VCL: variants seen among roughly 807,000 people sequenced by gnomAD.
The protein encoded by VCL is epididymis luminal protein 114.
Under a neutral mutation model 125.7 loss-of-function variants are expected in VCL, and 47 were observed. That is an observed-to-expected ratio of 0.37 (90% CI 0.30 to 0.48). The LOEUF (loss-of-function observed/expected upper bound fraction) is 0.48, where lower values mean the gene tolerates loss of function less well. Ranked by LOEUF, VCL falls within the 20% of genes least tolerant of loss-of-function variation. The pLI, the probability that VCL is intolerant of heterozygous loss-of-function variation, is 0.99. For missense variants in VCL, 1,069 were observed against 1,455.5 expected, an observed-to-expected ratio of 0.73 and a Z score of 4.32; for synonymous variants, 458 against 514.6, an observed-to-expected ratio of 0.89 and a Z score of 1.49.
intron 8 of VCL, among the ~76,000 whole-genome samples, chr10:74,086,033 A>G (rs868740101): frequency 9.2e-5 from 14 of 151,880 alleles, no homozygotes; most frequent in Admixed American, 7.2e-4. Flanking sequence ...ATGCCTGGCT[A>G]ATTTTTGTAT....
rs151045204 is a variant in VCL, at chr10:74,072,795, G to A, written c.565G>A (p.Val189Met). ...GGAGCTCACTCACCAGGAGCACCGAGTGATGTTGGTGAACTCGATGAACAC... is the reference window on the plus strand; with the variant it reads ...GGAGCTCACTCACCAGGAGCACCGAATGATGTTGGTGAACTCGATGAACAC... ...QQELTHQEHR[V>M]MLVNSMNTVK... The change falls in exon 5 of 22, where the codon GTG becomes ATG. Residue 189 changes from valine to methionine, a missense_variant. Around this residue, in one of 6 missense-constraint regions of VCL, gnomAD observed 760 missense variants for 928.9 expected, o/e 0.82. Coordinates refer to ENST00000211998, the MANE Select transcript of VCL (RefSeq NM_014000.3). 7.4e-6 allele frequency: 12 copies of A among 1,614,180 alleles called. No homozygotes were observed. Among genetic ancestry groups the A allele is most frequent in the Non-Finnish European group, 1.0e-5 (12 of 1,180,030 alleles).
intron 1 of VCL, among the ~76,000 whole-genome samples, chr10:74,002,624 C>T (rs994549864): frequency 6.6e-6 from 1 of 151,632 alleles, no homozygotes; most frequent in Admixed American, 6.6e-5. Flanking sequence ...TGGCTCATGC[C>T]TGTAATCCCA....
At chr10:74,047,696 A>G (rs140292120) in intron 2 of VCL, among the ~76,000 whole-genome samples, 22 of 152,310 alleles carry the variant, frequency 1.4e-4, no homozygotes, top group African/African-American at 5.1e-4. Flanking sequence ...ATAGATTTAT[A>G]CCTAAGCTAT....
chr10:74,102,041 T>G (rs1436693069), intron 14 of VCL, among the ~76,000 whole-genome samples: 1 of 12,460 alleles, frequency 8.0e-5, no homozygotes, highest in Non-Finnish European at 2.2e-4. Context: ...AATTTTTCTA[T>G]TTTTTAGTAG....
chr10:73,998,386 A>G lies in VCL; in HGVS notation c.168+11A>G, dbSNP rs1288220007. 1 of 1,503,818 alleles carries G rather than the reference A, an allele frequency of 6.6e-7. No homozygotes were observed. Among genetic ancestry groups the G allele is most frequent in the Non-Finnish European group, 8.9e-7 (1 of 1,123,626 alleles). 93.2% of individuals were successfully genotyped at this position (1,503,818 alleles called of 1,614,324 possible). On this transcript the variant is annotated intron_variant, in intron 1 of 21. Transcript: ENST00000211998. The stretch of plus-strand genomic sequence containing the variant: ...AGCAACCTCGTCCGGGTGAGCGCGC[A>G]GGGCCTGGCGCGGGAGCGGGCGCGG...
At chr10:74,078,199 C>T (rs913536919) in intron 6 of VCL, among the ~76,000 whole-genome samples, 41 of 152,054 alleles carry the variant, frequency 2.7e-4, no homozygotes, top group African/African-American at 8.9e-4. Flanking sequence ...AGCTTTGCAC[C>T]GTGAATCATT....
At chr10:74,013,358 T>A (rs1840471533) in intron 1 of VCL, among the ~76,000 whole-genome samples, 1 of 152,098 alleles carries the variant, frequency 6.6e-6, no homozygotes, top group African/African-American at 2.4e-5. Flanking sequence ...CAGATGGGGA[T>A]AATCCTGCAC....
chr10:74,085,339 C>T (rs1379621353), intron 8 of VCL, among the ~76,000 whole-genome samples: 1 of 152,144 alleles, frequency 6.6e-6, no homozygotes, highest in South Asian at 2.1e-4. Flanking sequence ...TGGGTAAATA[C>T]ATTTTACGGA....
chr10:74,074,859 G>A lies in VCL; in HGVS notation c.739G>A (p.Val247Met), dbSNP rs545372383. 6.8e-6 allele frequency: 11 copies of A among 1,613,996 alleles called. No homozygotes were observed. Among genetic ancestry groups the A allele is most frequent in the Non-Finnish European group, 9.3e-6 (11 of 1,180,028 alleles). The part of the protein sequence containing the change: ...MSAEINEIIR[V>M]LQLTSWDEDA... The stretch of plus-strand genomic sequence containing the variant: ...TGCTGAAATTAATGAGATAATTCGT[G>A]TGTTACAACTCACCTCTTGGGATGA... Residue 247 changes from valine (V) to methionine (M), a missense_variant, in exon 6 of 22, where the codon GTG becomes ATG. Val to Met is a conservative substitution (Grantham distance 21). Transcript: ENST00000211998.
intron 1 of VCL, among the ~76,000 whole-genome samples, chr10:74,021,954 C>T (rs140709187): frequency 1.4e-4 from 21 of 152,218 alleles, no homozygotes; most frequent in African/African-American, 4.6e-4. Context: ...TCCTTCCTTT[C>T]CATTACTGCC....
chr10:74,109,294 T>C, intron 18 of VCL, 138 bp downstream of exon 18: 1 of 1,103,870 alleles, frequency 9.1e-7, no homozygotes, highest in African/African-American at 1.6e-5. Flanking sequence ...AATAGCATAT[T>C]CCTCTTCTTA....
intron 1 of VCL, among the ~76,000 whole-genome samples, chr10:74,015,104 A>G (rs1414420049): frequency 1.3e-5 from 2 of 152,234 alleles, no homozygotes; most frequent in East Asian, 1.9e-4. Context: ...GGAGTAATAG[A>G]GTTGAAAAGT....
chr10:74,100,437 T>G (rs1267145685), intron 13 of VCL, among the ~76,000 whole-genome samples: 1 of 151,942 alleles, frequency 6.6e-6, no homozygotes, highest in Non-Finnish European at 1.5e-5. Context: ...AATGGCAGAG[T>G]TTTTACAACA....
intron 11 of VCL, 91 bp downstream of exon 11, chr10:74,094,552 G>A (rs1478597364): frequency 6.8e-7 from 1 of 1,460,044 alleles, no homozygotes; most frequent in African/African-American, 1.4e-5. Flanking sequence ...TCTGTAATTA[G>A]GTAAGGGTTC....
At chr10:74,051,264 T>C (rs1841294880) in intron 2 of VCL, among the ~76,000 whole-genome samples, 2 of 152,108 alleles carry the variant, frequency 1.3e-5, no homozygotes, top group South Asian at 4.1e-4. Flanking sequence ...TTAGACGGAG[T>C]CTTGCTCTGT....
chr10:74,105,332 GCTGGAAA>G lies in VCL; in HGVS notation c.2415_2421del (p.Gly806PhefsTer47). 6.2e-7 allele frequency: 1 copy of G among 1,612,488 alleles called. No homozygotes were observed. Among genetic ancestry groups the G allele is most frequent in the Non-Finnish European group, 8.5e-7 (1 of 1,179,990 alleles). The stretch of plus-strand genomic sequence containing the variant: ...GATGGTGATGGATGCAAAAGCTGTG[GCTGGAAA>G]CATTTCCGACCCTGGTAAGCAATGC... On this transcript the variant is annotated frameshift_variant, in exon 16 of 22. Coordinates refer to ENST00000211998, the MANE Select transcript of VCL (RefSeq NM_014000.3). LOFTEE classifies it high-confidence loss of function.
intron 19 of VCL, among the ~76,000 whole-genome samples, chr10:74,113,020 G>A (rs1456542967): frequency 6.6e-6 from 1 of 152,170 alleles, no homozygotes; most frequent in East Asian, 1.9e-4. Flanking sequence ...ATTACTGCCT[G>A]AGATGTTACA....
chr10:74,104,056 T>C (rs1840096779), intron 15 of VCL, 128 bp downstream of exon 15: 1 of 927,890 alleles, frequency 1.1e-6, no homozygotes, highest in South Asian at 1.4e-5. Flanking sequence ...AGCAGTGTAC[T>C]TGGCTCTGCT....
intron 14 of VCL, among the ~76,000 whole-genome samples, chr10:74,102,995 T>G (rs1269199404): frequency 1.3e-5 from 2 of 152,088 alleles, no homozygotes; most frequent in African/African-American, 4.8e-5. Context: ...GCCTCCCCAG[T>G]AGCTAAGATT....
Sources: allele counts gnomAD v4.1 joint callset (sites outside exome capture counted in the v4.1 genomes callset), GRCh38; gene constraint gnomAD v4.1.1; regional missense constraint gnomAD v4.1.1; transcripts MANE v1.5; gene names NCBI Gene and HGNC (gene_info 2026-07-23, HGNC 2026-07-21).